The following THAP6 variants were observed in gnomAD, a reference collection of about 807,000 sequenced individuals.
THAP6 encodes the protein THAP domain containing 6, also known as THAP domain-containing protein 6.
THAP6 carries 13 observed loss-of-function variants against 20.0 expected under a neutral mutation model. That is an observed-to-expected ratio of 0.65 (90% CI 0.42 to 1.03). The LOEUF is 1.03. Among genes scored for constraint, THAP6 ranks in the 50% least tolerant of loss-of-function variants. The pLI is 0.00. For synonymous variants in THAP6, 93 were observed against 92.2 expected (o/e 1.01, Z -0.05); for missense variants, 262 against 261.6 (o/e 1.00, Z -0.01).
intron 2 of THAP6, among the ~76,000 whole-genome samples, chr4:75,537,981 C>T (rs535423391): frequency 3.3e-5 from 5 of 152,300 alleles, no homozygotes; most frequent in Non-Finnish European, 5.9e-5. Context: ...TTTTACTCCA[C>T]TAAGTTTGTG....
chr4:75,519,567 G>A (rs1287936703), intron 3 of THAP6, among the ~76,000 whole-genome samples: 1 of 150,512 alleles, frequency 6.6e-6, no homozygotes, highest in Non-Finnish European at 1.5e-5. Context: ...CTGTGAGTGA[G>A]AATACGCGGT....
intron 2 of THAP6, among the ~76,000 whole-genome samples, chr4:75,541,447 C>CAT (rs1553924305): frequency 2.0e-5 from 3 of 150,274 alleles, no homozygotes; most frequent in Non-Finnish European, 4.4e-5. Flanking sequence ...TAAGTGTGTA[C>CAT]GTGTGTGTGT....
intron 2 of THAP6, among the ~76,000 whole-genome samples, chr4:75,541,408 G>A (rs761108939): frequency 6.6e-6 from 1 of 152,106 alleles, no homozygotes; most frequent in Non-Finnish European, 1.5e-5. Flanking sequence ...TATATAAAAT[G>A]TTTTGAAACC....
intron 4 of THAP6, among the ~76,000 whole-genome samples, chr4:75,526,698 T>G (rs769196636): frequency 1.3e-5 from 2 of 152,214 alleles, no homozygotes; most frequent in Admixed American, 1.3e-4. Context: ...GCAAGTGTCA[T>G]GCTATTCATA....
downstream of THAP6, among the ~76,000 whole-genome samples, chr4:75,534,855 A>G (rs1322182170): frequency 6.6e-6 from 1 of 152,218 alleles, no homozygotes; most frequent in East Asian, 1.9e-4. Flanking sequence ...CAAAACCACA[A>G]TGATATACCA....
chr4:75,515,655 T>C, intron 2 of THAP6, 123 bp downstream of exon 2: 2 of 883,674 alleles, frequency 2.3e-6, no homozygotes, highest in South Asian at 3.0e-5. Context: ...ACCTTTTTGT[T>C]AAATTTGAAG....
upstream of THAP6, chr4:75,514,160 G>A (rs1725281724): frequency 1.3e-6 from 2 of 1,585,468 alleles, no homozygotes; most frequent in Non-Finnish European, 1.7e-6. Context: ...CCAACCTGAC[G>A]GAAGCTTGTC....
At chr4:75,524,363 A>T (rs2148817472) in intron 4 of THAP6, among the ~76,000 whole-genome samples, 1 of 152,332 alleles carries the variant, frequency 6.6e-6, no homozygotes, top group Admixed American at 6.5e-5. Context: ...AATAAGAAAA[A>T]AATTGATATT....
downstream of THAP6, among the ~76,000 whole-genome samples, chr4:75,534,195 A>C (rs1240020462): frequency 6.6e-6 from 1 of 152,142 alleles, no homozygotes; most frequent in Non-Finnish European, 1.5e-5. Context: ...AGTCTTTGCT[A>C]TTGTGAATAG....
rs923918527 is a variant in THAP6 at position 75,528,956 on chromosome 4, G to A, written c.*1742G>A. ...TAATCCCAGCTACTTGGGAGACTGA[G>A]GCAGGAGAATTGCTTGAACCCGGGA... On this transcript the variant is annotated 3_prime_UTR_variant, in exon 5 of 5. Coordinates refer to ENST00000311638, the MANE Select transcript of THAP6 (RefSeq NM_144721.6). 6 of 447,336 alleles carry A rather than the reference G, an allele frequency of 1.3e-5. No individual in the cohort carries two copies. Among genetic ancestry groups the A allele is most frequent in the Non-Finnish European group, 8.9e-6 (3 of 338,732 alleles). The allele number at this position is 447,336 out of a possible 1,614,324, so 27.7% of individuals were successfully genotyped here.
At chr4:75,517,738 GAGA>G (rs1725754443) in intron 3 of THAP6, 2 of 152,192 alleles carry the variant, frequency 1.3e-5, no homozygotes, top group Admixed American at 1.3e-4. Flanking sequence ...CTAAGAACAG[GAGA>G]AGAAAAGGTC....
At chr4:75,514,344 A>G, upstream of THAP6, 1 of 1,566,478 alleles carries the variant, frequency 6.4e-7, no homozygotes, top group Admixed American at 1.7e-5. Flanking sequence ...AACCACGCCC[A>G]GAGAAGCTGC....
chr4:75,533,727 A>G (rs183517940), downstream of THAP6, among the ~76,000 whole-genome samples: 3 of 152,286 alleles, frequency 2.0e-5, no homozygotes, highest in East Asian at 5.8e-4. Flanking sequence ...GAGCTTGTGC[A>G]GAGAAACTCC....
chr4:75,518,492 G>A (rs1036172572), intron 3 of THAP6, among the ~76,000 whole-genome samples: 2 of 152,122 alleles, frequency 1.3e-5, no homozygotes, highest in African/African-American at 4.8e-5. Flanking sequence ...ACTATTCCAA[G>A]TACTTTACAT....
At chr4:75,515,674 T>C in intron 2 of THAP6, 142 bp downstream of exon 2, 1 of 714,788 alleles carries the variant, frequency 1.4e-6, no homozygotes, top group Non-Finnish European at 2.4e-6. Context: ...AGTGACAATG[T>C]GATACCTTTA....
chr4:75,515,716 A>T (rs951582814), intron 2 of THAP6, among the ~76,000 whole-genome samples, 184 bp downstream of exon 2: 1 of 152,208 alleles, frequency 6.6e-6, no homozygotes, highest in Non-Finnish European at 1.5e-5. Context: ...AAGTTTTAAG[A>T]TATCAGAGAC....
Position 75,529,697 on chromosome 4 carries a change from C to A in THAP6, c.*2483C>A. 1 of 985,432 alleles carries A rather than the reference C, an allele frequency of 1.0e-6. No individual in the cohort carries two copies. The highest frequency in any genetic ancestry group is 1.2e-6 in the Non-Finnish European group (1 of 829,972). The allele number at this position is 985,432 out of a possible 1,614,324, so 61.0% of individuals were successfully genotyped here. On this transcript the variant is annotated 3_prime_UTR_variant, in exon 5 of 5. Transcript: ENST00000311638. ...TCCAGAAATTTCTCTGGCAGCCAAG[C>A]CTGACCCTAAGGGTTCCACTTTGCT...
Position 75,521,851 on chromosome 4 carries a change from A to G in THAP6, c.404A>G (p.Gln135Arg). Reference protein sequence around the residue: ...ASSCIEEFQSQFIFEHSYSVM... With the variant: ...ASSCIEEFQSRFIFEHSYSVM... ...TCATGTATTGAAGAATTCCAATCCC[A>G]GTTCATTTTTGTAAGTAAATTACTT... The change falls in exon 4 of 5, where the codon CAG (glutamine) becomes CGG (arginine). Residue 135 changes from glutamine to arginine, a missense_variant. By Grantham distance (43) the Gln-to-Arg change is conservative. Coordinates refer to ENST00000311638, the MANE Select transcript of THAP6 (RefSeq NM_144721.6). 2 of 1,613,460 alleles carry G rather than the reference A, an allele frequency of 1.2e-6. No individual in the cohort carries two copies. The highest frequency in any genetic ancestry group is 1.7e-6 in the Non-Finnish European group (2 of 1,179,606).
In THAP6 at chr4:75,518,894, G is replaced by A. The variant is rs182367601; in HGVS notation, c.288+1915G>A. Among the ~76,000 whole-genome samples, 9 of 150,634 alleles carry A rather than the reference G, an allele frequency of 6.0e-5. No individual in the cohort carries two copies. The East Asian group carries it at 1.8e-3, about 30-fold the overall frequency. On this transcript the variant is annotated intron_variant, in intron 3 of 4. Transcript: ENST00000311638. ...CACATGTTTAAGAGAAACCTATGTAGAACATCACTTTTTTTTAACTAAACT... is the reference window on the plus strand; with the variant it reads ...CACATGTTTAAGAGAAACCTATGTAAAACATCACTTTTTTTTAACTAAACT...
Sources: gnomAD v4.1 joint callset for allele counts (sites outside exome capture counted in the v4.1 genomes callset) on GRCh38, gnomAD v4.1.1 for gene constraint, MANE v1.5 for transcripts, NCBI Gene and HGNC (gene_info 2026-07-23, HGNC 2026-07-21) for gene names.